UBXN7: variants seen among roughly 807,000 people sequenced by gnomAD.
The protein encoded by UBXN7 is UBX domain protein 7, also known as UBX domain-containing protein 7.
UBXN7 carries 9 observed loss-of-function variants against 58.0 expected under a neutral mutation model. The ratio of observed to expected loss-of-function variants is 0.16; its 90% CI spans 0.09 to 0.27. The LOEUF is 0.27. Among genes scored for constraint, UBXN7 ranks in the 10% least tolerant of loss-of-function variants. The pLI is 1.00. For missense variants in UBXN7, 328 were observed against 599.6 expected (o/e 0.55, Z 4.73); for synonymous variants, 208 against 205.0 (o/e 1.01, Z -0.12).
chr3:196,375,965 G>C (rs770636150), intron 5 of UBXN7, among the ~76,000 whole-genome samples: 1 of 152,204 alleles, frequency 6.6e-6, no homozygotes, highest in African/African-American at 2.4e-5. Flanking sequence ...GGAGGCAGAG[G>C]TTGCAGTGAG....
chr3:196,399,199 T>C (rs560932624), intron 3 of UBXN7, among the ~76,000 whole-genome samples: 3 of 152,324 alleles, frequency 2.0e-5, no homozygotes, highest in Non-Finnish European at 4.4e-5. Context: ...ACATCCTATT[T>C]CAAACAATAT....
chr3:196,428,592 C>T (rs374667060), intron 1 of UBXN7, among the ~76,000 whole-genome samples: 6 of 152,100 alleles, frequency 3.9e-5, no homozygotes, highest in African/African-American at 1.4e-4. Context: ...GTTCTTTTCC[C>T]TTTTATCAAA....
chr3:196,399,620 G>A (rs1198544811), intron 3 of UBXN7, among the ~76,000 whole-genome samples: 1 of 152,070 alleles, frequency 6.6e-6, no homozygotes, highest in Non-Finnish European at 1.5e-5. Flanking sequence ...TTTATTTTTT[G>A]TAGAGATAAG....
At chr3:196,431,231 A>G (rs1337998008) in intron 1 of UBXN7, among the ~76,000 whole-genome samples, 1 of 152,202 alleles carries the variant, frequency 6.6e-6, no homozygotes, top group Non-Finnish European at 1.5e-5. Flanking sequence ...TTGAGAGGGA[A>G]CTAACATTCT....
intron 5 of UBXN7, among the ~76,000 whole-genome samples, chr3:196,391,528 C>T (rs760384680): frequency 6.6e-6 from 1 of 151,892 alleles, no homozygotes; most frequent in Non-Finnish European, 1.5e-5. Flanking sequence ...CCTAGGCATT[C>T]GAGACCAGCC....
At chr3:196,428,831 A>T (rs1467304039) in intron 1 of UBXN7, among the ~76,000 whole-genome samples, 2 of 151,742 alleles carry the variant, frequency 1.3e-5, no homozygotes, top group Non-Finnish European at 2.9e-5. Flanking sequence ...CTCAAAAAAA[A>T]AAAAAAAAGT....
intron 5 of UBXN7, among the ~76,000 whole-genome samples, chr3:196,390,099 G>A (rs1002876074): frequency 6.6e-6 from 1 of 151,864 alleles, no homozygotes; most frequent in Non-Finnish European, 1.5e-5. Flanking sequence ...GGTGTCTGTA[G>A]CCCTACTTAT....
rs375073220 is a variant in UBXN7, at chr3:196,412,058, G to A, written c.74-4665C>T. ...AGCCTGGCCAACAGGGTGAAACCCCGTCTTCTACTAAAAATACAAAATCAG... is the reference window on the plus strand; with the variant it reads ...AGCCTGGCCAACAGGGTGAAACCCCATCTTCTACTAAAAATACAAAATCAG... On this transcript the variant is annotated intron_variant, in intron 1 of 10. Coordinates refer to ENST00000296328, the MANE Select transcript of UBXN7 (RefSeq NM_015562.2). 3.5e-3 allele frequency among the ~76,000 whole-genome samples: 521 copies of A among 150,830 alleles called. 1 individual carries two copies. The highest frequency in any genetic ancestry group is 7.0e-3 in the Middle Eastern group (2 of 284).
chr3:196,368,334 T>C (rs985369465), intron 7 of UBXN7, among the ~76,000 whole-genome samples, 179 bp from the exon 8 acceptor site: 1 of 152,236 alleles, frequency 6.6e-6, no homozygotes, highest in African/African-American at 2.4e-5. Flanking sequence ...AGAATCTTTC[T>C]GAACATTCTT....
At position 196,394,139 on chromosome 3, in the gene UBXN7, T is replaced by C. The variant is rs550812781; in HGVS notation, c.290-520A>G. Reference sequence around the variant, plus strand: ...CCCTGTCTCTACTAAATACAAAAAATTAGCCAGGCGTGATGGTGCATGCCT... The same window carrying C: ...CCCTGTCTCTACTAAATACAAAAAACTAGCCAGGCGTGATGGTGCATGCCT... On this transcript the variant is annotated intron_variant, in intron 3 of 10. Transcript: ENST00000296328. Among the ~76,000 whole-genome samples, 16 of 151,198 alleles carry C rather than the reference T, an allele frequency of 1.1e-4. 1 individual carries two copies. Among genetic ancestry groups the C allele is most frequent in the African/African-American group, 3.9e-4 (16 of 41,164 alleles).
chr3:196,412,803 G>A (rs1253601482), intron 1 of UBXN7, among the ~76,000 whole-genome samples: 2 of 152,134 alleles, frequency 1.3e-5, no homozygotes, highest in African/African-American at 4.8e-5. Context: ...AGTGAAATAA[G>A]CCAGTCACAA....
At chr3:196,385,771 C>A (rs1038926116) in intron 5 of UBXN7, among the ~76,000 whole-genome samples, 1 of 151,080 alleles carries the variant, frequency 6.6e-6, no homozygotes, top group Non-Finnish European at 1.5e-5. Context: ...CCCACCCGGC[C>A]AGCCGCCCCG....
At chr3:196,359,811 A>C (rs1050575765) in intron 10 of UBXN7, among the ~76,000 whole-genome samples, 2 of 151,894 alleles carry the variant, frequency 1.3e-5, no homozygotes, top group African/African-American at 4.8e-5. Flanking sequence ...AGGCTGAGGC[A>C]AGGAGAACTG....
intron 7 of UBXN7, among the ~76,000 whole-genome samples, chr3:196,368,861 T>C (rs531372678): frequency 1.8e-3 from 276 of 152,266 alleles, no homozygotes; most frequent in African/African-American, 6.3e-3. Flanking sequence ...CTCACTCTGT[T>C]GCCCAGGCTG....
At chr3:196,421,165 G>A (rs187808044) in intron 1 of UBXN7, among the ~76,000 whole-genome samples, 1 of 152,102 alleles carries the variant, frequency 6.6e-6, no homozygotes, top group Non-Finnish European at 1.5e-5. Flanking sequence ...CAGAGAAATC[G>A]AATTACTAAG....
At chr3:196,417,111 A>G (rs955355654) in intron 1 of UBXN7, among the ~76,000 whole-genome samples, 1 of 152,134 alleles carries the variant, frequency 6.6e-6, no homozygotes, top group Non-Finnish European at 1.5e-5. Flanking sequence ...CAGGAGATCG[A>G]GACCATCCTG....
chr3:196,398,132 CTG>C (rs1729834345), intron 3 of UBXN7, among the ~76,000 whole-genome samples: 2 of 152,272 alleles, frequency 1.3e-5, no homozygotes, highest in South Asian at 4.1e-4. Context: ...CTCATTTGCT[CTG>C]TGTTAAGAAT....
chr3:196,362,795 GA>G, intron 8 of UBXN7, 108 bp from the exon 9 acceptor site: 1 of 1,357,418 alleles, frequency 7.4e-7, no homozygotes, highest in South Asian at 1.4e-5. Context: ...ATGTTCTGCT[GA>G]CTGTATCCCT....
chr3:196,409,349 T>C (rs1165184559), intron 1 of UBXN7, among the ~76,000 whole-genome samples: 3 of 152,120 alleles, frequency 2.0e-5, no homozygotes, highest in Non-Finnish European at 4.4e-5. Context: ...GAATCACTAA[T>C]CACTAAGGAA....
Sources: gnomAD v4.1 joint callset for allele counts (sites outside exome capture counted in the v4.1 genomes callset) on GRCh38, gnomAD v4.1.1 for gene constraint, MANE v1.5 for transcripts, NCBI Gene and HGNC (gene_info 2026-07-23, HGNC 2026-07-21) for gene names.